Variants in ARHGAP45 observed in about 807,000 individuals in gnomAD.
ARHGAP45 encodes the protein Rho GTPase activating protein 45.
In ARHGAP45, 56 loss-of-function variants were observed where a neutral mutation model predicts 116.1. That is an observed-to-expected ratio of 0.48 (90% CI 0.39 to 0.60). The LOEUF (loss-of-function observed/expected upper bound fraction) is 0.60. Ranked by LOEUF, ARHGAP45 falls within the 20% of genes least tolerant of loss-of-function variation. The probability of loss-of-function intolerance (pLI) is 0.00; values close to 1 mark genes in which losing one functional copy is unlikely to be tolerated. For synonymous variants in ARHGAP45, 866 were observed against 701.7 expected, an observed-to-expected ratio of 1.23 and a Z score of -3.70; for missense variants, 1,622 against 1,601.0, an observed-to-expected ratio of 1.01 and a Z score of -0.22.
In ARHGAP45 at chr19:1,074,005, T is replaced by G; in HGVS notation, c.781T>G (p.Cys261Gly). The change falls in exon 6 of 23, where the codon TGT becomes GGT. Residue 261 changes from cysteine to glycine, a missense_variant. This residue lies in a region of ARHGAP45 where 1,334 missense variants were observed against 1,263.8 expected (regional missense o/e 1.06). Transcript: ENST00000313093. ...GGGCACGCCTCCCAGCCTGGAAGACTGTGACGCCGGTAAGCCCCCACCCAG... is the reference window on the plus strand; with the variant it reads ...GGGCACGCCTCCCAGCCTGGAAGACGGTGACGCCGGTAAGCCCCCACCCAG... ...SEGTPPSLED[C>G]DAGCLPAEEV... 6.3e-7 allele frequency: 1 copy of G among 1,597,088 alleles called. No homozygotes were observed. The highest frequency in any genetic ancestry group is 1.7e-5 in the Admixed American group (1 of 57,548).
chr19:1,073,876 C>T (rs2043184284), intron 5 of ARHGAP45, 72 bp from the exon 6 acceptor site: 6 of 1,529,810 alleles, frequency 3.9e-6, no homozygotes, highest in South Asian at 3.7e-5. Flanking sequence ...GAGGCAGCAA[C>T]CGTCCCCTGA....
intron 11 of ARHGAP45, 144 bp downstream of exon 11, chr19:1,078,189 G>A (rs1371715427): frequency 1.0e-5 from 14 of 1,341,732 alleles, no homozygotes; most frequent in African/African-American, 5.9e-5. Context: ...TGTCGCCCAG[G>A]CTGGAGTGCA....
At position 1,069,191 on chromosome 19, in the gene ARHGAP45, T is replaced by C. The variant is rs762709060; in HGVS notation, c.421+447T>C. Among the ~76,000 whole-genome samples the C allele has an allele frequency of 6.6e-6, 1 of 151,256 alleles. No individual in the cohort carries two copies. Among genetic ancestry groups the C allele is most frequent in the Non-Finnish European group, 1.5e-5 (1 of 67,784 alleles). On this transcript the variant is annotated intron_variant, in intron 2 of 22. Coordinates refer to ENST00000313093, the MANE Select transcript of ARHGAP45 (RefSeq NM_012292.5). This position sits in a 1 kb window ranked among gnomAD's most constrained non-coding sequence, Gnocchi z 4.1. ...ATCTGTGTCTTGGAATGAAGCAAAC[T>C]GGGGGTTGGCTGAGGTCTGGGTGGA... is the stretch of plus-strand genomic sequence containing the variant.
At chr19:1,079,434 G>A (rs1380720862) in intron 11 of ARHGAP45, among the ~76,000 whole-genome samples, 1 of 151,080 alleles carries the variant, frequency 6.6e-6, no homozygotes, top group East Asian at 1.9e-4. Flanking sequence ...AACCCGGTAG[G>A]TGGAGGTTGC....
chr19:1,084,169 G>T, intron 21 of ARHGAP45, 69 bp from the exon 22 acceptor site: 1 of 1,405,398 alleles, frequency 7.1e-7, no homozygotes, highest in African/African-American at 1.4e-5. Flanking sequence ...CTGTGTGGGT[G>T]GGTTTGTTAA....
chr19:1,086,161 CCA>C lies in ARHGAP45; in HGVS notation c.*156_*157del. ...ACGTCCCACCAGCGGGCGCCTCCTC[CCA>C]GAGGCTTCCAGGAGCACGAGGGCCT... On this transcript the variant is annotated 3_prime_UTR_variant, in exon 23 of 23. Transcript: ENST00000313093. 1.5e-6 allele frequency: 1 copy of C among 649,756 alleles called. No homozygotes were observed. Among genetic ancestry groups the C allele is most frequent in the Admixed American group, 2.9e-5 (1 of 34,830 alleles). The allele number at this position is 649,756 out of a possible 1,614,324, so 40.2% of individuals were successfully genotyped here. A position where few individuals can be genotyped will look rare whatever the true frequency, so the allele number is the denominator to read the frequency against.
At chr19:1,066,536 G>T (rs1056451787), upstream of ARHGAP45, 20 of 243,896 alleles carry the variant, frequency 8.2e-5, no homozygotes, top group Admixed American at 1.5e-4. Context: ...ATATTCTGCC[G>T]ATGGTGGGGT....
Position 1,067,271 on chromosome 19 carries a change from C to A in ARHGAP45, c.-135C>A. 1 of 1,397,078 alleles carries A rather than the reference C, an allele frequency of 7.2e-7. No individual in the cohort carries two copies. The allele number at this position is 1,397,078 out of a possible 1,614,324, so 86.5% of individuals were successfully genotyped here. ...TGGGGGGAGGGCCCGCCAGTGACGG[C>A]CGGGCCTGTCACGTGGGCCTGACAG... On this transcript the variant is annotated 5_prime_UTR_variant, in exon 1 of 23. Coordinates refer to ENST00000313093, the MANE Select transcript of ARHGAP45 (RefSeq NM_012292.5).
chr19:1,067,395 G>C lies in ARHGAP45; in HGVS notation c.-11G>C. On this transcript the variant is annotated 5_prime_UTR_variant, in exon 1 of 23. Coordinates refer to ENST00000313093, the MANE Select transcript of ARHGAP45 (RefSeq NM_012292.5). ...AGCCCGCCCCCTCGGGCTCCCGGCC[G>C]GGGCCCCATCATGTTCTCCAGGAAG... 1 of 1,550,842 alleles carries C rather than the reference G, an allele frequency of 6.4e-7. No individual in the cohort carries two copies. The highest frequency in any genetic ancestry group is 8.7e-7 in the Non-Finnish European group (1 of 1,150,384).
chr19:1,080,393 G>A lies in ARHGAP45; in HGVS notation c.1828+14G>A, dbSNP rs747260656. The A allele has an allele frequency of 3.1e-6, 5 of 1,607,232 alleles. No homozygotes were observed. The highest frequency in any genetic ancestry group is 1.7e-5 in the Admixed American group (1 of 58,566). On this transcript the variant is annotated intron_variant, in intron 14 of 22. Coordinates refer to ENST00000313093, the MANE Select transcript of ARHGAP45 (RefSeq NM_012292.5). ...AGGACCACAGGGGTGAGTGTCCGGC[G>A]GGGCCCAGGGGCGGACGCTGGCTCC...
At position 1,069,608 on chromosome 19, in the gene ARHGAP45, A is replaced by G. The variant is rs1225892474; in HGVS notation, c.421+864A>G. Among the ~76,000 whole-genome samples, 2 of 152,120 alleles carry G rather than the reference A, an allele frequency of 1.3e-5. No homozygotes were observed. The highest frequency in any genetic ancestry group is 4.8e-5 in the African/African-American group (2 of 41,436). On this transcript the variant is annotated intron_variant, in intron 2 of 22. Transcript: ENST00000313093. The surrounding 1 kb of genome is among the most constrained non-coding windows in gnomAD (Gnocchi z 4.1). The stretch of plus-strand genomic sequence containing the variant: ...GGAGTGGCCTCTGCACCTTCAGGGC[A>G]CTAGTTGGGGAAGGCCCGGTCCCCA...
rs766472040 is a variant in ARHGAP45, at chr19:1,085,713, C to G, written c.3118C>G (p.Leu1040Val). The change falls in exon 23 of 23, where the codon CTG becomes GTG. Residue 1040 changes from leucine (L) to valine (V), a missense_variant. Coordinates refer to ENST00000313093, the MANE Select transcript of ARHGAP45 (RefSeq NM_012292.5). ...SDSDLEEASE[L>V]LSSSEASALG... The stretch of plus-strand genomic sequence containing the variant: ...CTCGGACCTAGAGGAGGCCTCCGAG[C>G]TGCTGTCCTCATCGGAGGCCAGTGC... 6.2e-6 allele frequency: 10 copies of G among 1,609,048 alleles called. No individual in the cohort carries two copies. The South Asian group carries it at 9.9e-5, about 16-fold the overall frequency.
chr19:1,078,203 GCA>G (rs1465335947), intron 11 of ARHGAP45, among the ~76,000 whole-genome samples, 158 bp downstream of exon 11: 2 of 151,820 alleles, frequency 1.3e-5, no homozygotes, highest in African/African-American at 2.4e-5. Context: ...GAGTGCAGTG[GCA>G]CAGTCTCGGC....
In ARHGAP45 at chr19:1,086,065, C is replaced by T. The variant is rs1393260063; in HGVS notation, c.*59C>T. On this transcript the variant is annotated 3_prime_UTR_variant, in exon 23 of 23. Transcript: ENST00000313093. Reference sequence around the variant, plus strand: ...CTCTTGCCTGCTCCTGTCCCTCCAGCACGTCCCCTGCACCACGGCATAGCT... The same window carrying T: ...CTCTTGCCTGCTCCTGTCCCTCCAGTACGTCCCCTGCACCACGGCATAGCT... 6.9e-6 allele frequency: 10 copies of T among 1,446,296 alleles called. No individual in the cohort carries two copies. Among genetic ancestry groups the T allele is most frequent in the Non-Finnish European group, 9.6e-6 (10 of 1,044,686 alleles). The allele number at this position is 1,446,296 out of a possible 1,614,324, so 89.6% of individuals were successfully genotyped here. A position where few individuals can be genotyped will look rare whatever the true frequency, so the allele number is the denominator to read the frequency against.
chr19:1,068,295 G>A lies in ARHGAP45; in HGVS notation c.91-119G>A. On this transcript the variant is annotated intron_variant, in intron 1 of 22. Transcript: ENST00000313093. This position sits in a 1 kb window ranked among gnomAD's most constrained non-coding sequence, Gnocchi z 7.5. ...CTCGGCCCTGTGACCTCTGGCCTTTGACCCCTGTGGGGTCAGGGTGATGGT... is the reference window on the plus strand; with the variant it reads ...CTCGGCCCTGTGACCTCTGGCCTTTAACCCCTGTGGGGTCAGGGTGATGGT... 2.3e-6 allele frequency: 2 copies of A among 865,890 alleles called. No homozygotes were observed. The highest frequency in any genetic ancestry group is 3.4e-6 in the Non-Finnish European group (2 of 582,670). The allele number at this position is 865,890 out of a possible 1,614,324, so 53.6% of individuals were successfully genotyped here. A position where few individuals can be genotyped will look rare whatever the true frequency, so the allele number is the denominator to read the frequency against.
intron 11 of ARHGAP45, among the ~76,000 whole-genome samples, chr19:1,078,378 C>CAG (rs760278764): frequency 7.2e-5 from 11 of 152,060 alleles, no homozygotes; most frequent in South Asian, 4.1e-4. Flanking sequence ...CTCCTGACCT[C>CAG]GTGATCCGTC....
At chr19:1,077,723 G>A (rs1599761392) in intron 10 of ARHGAP45, 134 bp from the exon 11 acceptor site, 2 of 1,517,346 alleles carry the variant, frequency 1.3e-6, no homozygotes, top group South Asian at 1.2e-5. Flanking sequence ...GTTGTGCAGG[G>A]TCCTCTGCAT....
intron 2 of ARHGAP45, among the ~76,000 whole-genome samples, chr19:1,072,789 G>A (rs2043163471): frequency 6.6e-6 from 1 of 152,226 alleles, no homozygotes; most frequent in African/African-American, 2.4e-5. Context: ...CCTGGACAGG[G>A]CTTTGAGCAG....
upstream of ARHGAP45, chr19:1,065,982 G>C: frequency 6.6e-7 from 1 of 1,525,296 alleles, no homozygotes; most frequent in South Asian, 1.2e-5. Flanking sequence ...AAGCCCATCC[G>C]ACATCCAGCT....
Sources: gnomAD v4.1 joint callset for allele counts (sites outside exome capture counted in the v4.1 genomes callset) on GRCh38, gnomAD v4.1.1 for gene constraint, gnomAD v4.1.1 regional missense constraint, Gnocchi (gnomAD v3.1) non-coding constraint, MANE v1.5 for transcripts, NCBI Gene and HGNC (gene_info 2026-07-23, HGNC 2026-07-21) for gene names.